Variants in YTHDF3 observed in about 807,000 individuals in gnomAD.
YTHDF3 encodes YTH N6-methyladenosine RNA binding protein F3.
Under a neutral mutation model 52.5 loss-of-function variants are expected in YTHDF3, and 9 were observed. The observed-to-expected ratio is 0.17, with a 90% CI of 0.10 to 0.30. The LOEUF is 0.30. Ranked by LOEUF, YTHDF3 falls within the 10% of genes least tolerant of loss-of-function variation. YTHDF3 has a pLI of 1.00. For missense variants in YTHDF3, 534 were observed against 715.0 expected (o/e 0.75, Z 2.89); for synonymous variants, 274 against 243.3 (o/e 1.13, Z -1.18).
intron 3 of YTHDF3, among the ~76,000 whole-genome samples, chr8:63,181,186 CAGAGAAGTACTAT>C (rs1207498372): frequency 6.6e-6 from 1 of 152,178 alleles, no homozygotes; most frequent in Non-Finnish European, 1.5e-5. Flanking sequence ...CTATCTTTAT[CAGAGAAGTACTAT>C]AGAGAATTAA....
intron 2 of YTHDF3, among the ~76,000 whole-genome samples, chr8:63,173,202 T>TTTTATATATATA (rs1554533374): frequency 1.6e-5 from 2 of 125,886 alleles, no homozygotes; most frequent in African/African-American, 8.1e-5. Flanking sequence ...AGGATTATAT[T>TTTTATATATATA]TATATATATA....
chr8:63,171,840 C>A (rs1807347380), intron 2 of YTHDF3, among the ~76,000 whole-genome samples: 1 of 152,174 alleles, frequency 6.6e-6, no homozygotes, highest in Non-Finnish European at 1.5e-5. Context: ...TAATCCTTTT[C>A]AGTCAACTTA....
chr8:63,169,512 A>G (rs993822669), intron 2 of YTHDF3, 101 bp downstream of exon 2: 2 of 1,291,898 alleles, frequency 1.5e-6, no homozygotes, highest in Admixed American at 2.2e-5. Context: ...CTCTTGGGAA[A>G]AAATGTAGGA....
rs1808606567 is a variant in YTHDF3 at position 63,187,562 on chromosome 8, G to A, written c.1551G>A (p.Arg517=). The A allele has an allele frequency of 1.2e-6, 2 of 1,613,750 alleles. No individual in the cohort carries two copies. The highest frequency in any genetic ancestry group is 1.7e-6 in the Non-Finnish European group (2 of 1,179,808). ...AAGATGTTCCCAATAACCAATTACG[G>A]CATATTCGCTTAGAAAATAATGACA... ...FVKDVPNNQL[R]HIRLENNDNK... The change falls in exon 4 of 5, where the codon CGG becomes CGA. Residue 517 remains arginine (R), a synonymous_variant. Coordinates refer to ENST00000539294, the MANE Select transcript of YTHDF3 (RefSeq NM_152758.6).
intron 4 of YTHDF3, among the ~76,000 whole-genome samples, chr8:63,192,460 G>A (rs1808974470): frequency 6.6e-6 from 1 of 152,198 alleles, no homozygotes. Context: ...AAAAGGGAAA[G>A]CCAGTATAAT....
chr8:63,174,901 T>G (rs1807583743), intron 2 of YTHDF3, among the ~76,000 whole-genome samples: 1 of 152,350 alleles, frequency 6.6e-6, no homozygotes, highest in Non-Finnish European at 1.5e-5. Context: ...TTTATTATAC[T>G]AAATAATTTA....
chr8:63,178,144 T>C (rs763438387), intron 3 of YTHDF3, among the ~76,000 whole-genome samples: 1 of 152,224 alleles, frequency 6.6e-6, no homozygotes, highest in African/African-American at 2.4e-5. Flanking sequence ...CATGTTTTGC[T>C]TGATAACAGA....
chr8:63,204,175 A>G (rs987119555), intron 4 of YTHDF3, among the ~76,000 whole-genome samples: 2 of 151,106 alleles, frequency 1.3e-5, no homozygotes, highest in African/African-American at 2.4e-5. Flanking sequence ...TCTTGGATCT[A>G]TCCTCTCATT....
rs756346185 is a variant in YTHDF3, at chr8:63,211,300, GTGTT to G, written c.*1596_*1599del. 5.3e-5 allele frequency: 8 copies of G among 152,380 alleles called. No individual in the cohort carries two copies. The highest frequency in any genetic ancestry group is 8.8e-5 in the Non-Finnish European group (6 of 67,958). 9.4% of individuals were successfully genotyped at this position (152,380 alleles called of 1,614,324 possible). A position where few individuals can be genotyped will look rare whatever the true frequency, so the allele number is the denominator to read the frequency against. On this transcript the variant is annotated 3_prime_UTR_variant, in exon 5 of 5. Transcript: ENST00000539294. ...CGGTAGTCCCAGTGTAGTTATATCA[GTGTT>G]TACTGAAGGGAACATCAAAATATTA... is the stretch of plus-strand genomic sequence containing the variant.
At chr8:63,192,739 G>T (rs1563406784) in intron 4 of YTHDF3, among the ~76,000 whole-genome samples, 2 of 151,014 alleles carry the variant, frequency 1.3e-5, no homozygotes, top group Admixed American at 6.6e-5. Flanking sequence ...TGTGCTGCCT[G>T]TCTATTCTAG....
rs531927996 is a variant in YTHDF3, at chr8:63,175,161, A to T, written c.50-170A>T. ...CAAAAGACTTTTAAGTTTTTGTGGC[A>T]CATGAATATTTGTATCTAAAATAGT... On this transcript the variant is annotated intron_variant, in intron 2 of 4. Transcript: ENST00000539294. Among the ~76,000 whole-genome samples the T allele has an allele frequency of 2.6e-5, 4 of 152,308 alleles. No individual in the cohort carries two copies. The South Asian group carries it at 6.2e-4, about 24-fold the overall frequency.
chr8:63,176,735 T>C (rs947279091), intron 3 of YTHDF3, among the ~76,000 whole-genome samples: 1 of 152,072 alleles, frequency 6.6e-6, no homozygotes, highest in Non-Finnish European at 1.5e-5. Flanking sequence ...TGGAGTGCAG[T>C]GGCGCAATCT....
intron 3 of YTHDF3, among the ~76,000 whole-genome samples, chr8:63,182,856 C>T (rs887896849): frequency 1.3e-5 from 2 of 151,120 alleles, no homozygotes; most frequent in Non-Finnish European, 2.9e-5. Flanking sequence ...TGTTTTTTTA[C>T]AATGTATGCA....
intron 2 of YTHDF3, among the ~76,000 whole-genome samples, chr8:63,170,842 T>C (rs749095126): frequency 6.6e-5 from 10 of 152,166 alleles, no homozygotes; most frequent in Non-Finnish European, 1.3e-4. Context: ...GGTACTTGTT[T>C]GTTAAAACAA....
In YTHDF3 at chr8:63,170,249, G is replaced by T. The variant is rs937038218; in HGVS notation, c.49+838G>T. On this transcript the variant is annotated intron_variant, in intron 2 of 4. Transcript: ENST00000539294. Reference sequence around the variant, plus strand: ...GTGCTTGAAATTACACTAAAATTATGCTTTCTGTTGATTTCAGTAACACAG... The same window carrying T: ...GTGCTTGAAATTACACTAAAATTATTCTTTCTGTTGATTTCAGTAACACAG... 2.0e-5 allele frequency among the ~76,000 whole-genome samples: 3 copies of T among 152,082 alleles called. No homozygotes were observed. In the East Asian group the frequency reaches 5.8e-4, roughly 29 times the overall value.
At chr8:63,189,229 A>T (rs1187639667) in intron 4 of YTHDF3, among the ~76,000 whole-genome samples, 1 of 152,100 alleles carries the variant, frequency 6.6e-6, no homozygotes, top group Non-Finnish European at 1.5e-5. Flanking sequence ...TATCCTATTG[A>T]GTGGCCCATA....
At chr8:63,173,191 C>G (rs191886885) in intron 2 of YTHDF3, among the ~76,000 whole-genome samples, 30 of 96,390 alleles carry the variant, frequency 3.1e-4, no homozygotes, top group African/African-American at 2.1e-3. Context: ...ATAAGAATAA[C>G]AGGATTATAT....
At chr8:63,209,162 C>T (rs1810225156) in intron 4 of YTHDF3, among the ~76,000 whole-genome samples, 1 of 152,176 alleles carries the variant, frequency 6.6e-6, no homozygotes, top group African/African-American at 2.4e-5. Context: ...GCCACTGCGC[C>T]CGGCCTCATG....
At chr8:63,197,434 AATGTT>A (rs1809309916) in intron 4 of YTHDF3, among the ~76,000 whole-genome samples, 1 of 152,200 alleles carries the variant, frequency 6.6e-6, no homozygotes, top group African/African-American at 2.4e-5. Context: ...TTTAGAACAA[AATGTT>A]ATGAGATGGA....
Sources: gnomAD v4.1 joint callset for allele counts (sites outside exome capture counted in the v4.1 genomes callset) on GRCh38, gnomAD v4.1.1 for gene constraint, MANE v1.5 for transcripts, NCBI Gene and HGNC (gene_info 2026-07-23, HGNC 2026-07-21) for gene names.